The following RALGPS1 variants were observed in gnomAD, a reference collection of about 807,000 sequenced individuals.
RALGPS1 encodes ras-specific guanine nucleotide-releasing factor RalGPS1.
Under a neutral mutation model 78.8 loss-of-function variants are expected in RALGPS1, and 19 were observed. That is an observed-to-expected ratio of 0.24 (90% CI 0.17 to 0.35). The LOEUF is 0.35. Ranked by LOEUF, RALGPS1 falls within the 10% of genes least tolerant of loss-of-function variation. The pLI is 1.00. For missense variants in RALGPS1, 454 were observed against 688.3 expected (o/e 0.66, Z 3.81); for synonymous variants, 228 against 256.3 (o/e 0.89, Z 1.06).
At chr9:126,954,080 A>G (rs1716661327) in intron 1 of RALGPS1, among the ~76,000 whole-genome samples, 1 of 152,194 alleles carries the variant, frequency 6.6e-6, no homozygotes, top group Admixed American at 6.5e-5. Context: ...GACCCAGCTC[A>G]GTGGTTCTTC....
intron 8 of RALGPS1, among the ~76,000 whole-genome samples, chr9:127,109,698 G>C (rs1179804381): frequency 1.3e-5 from 2 of 152,240 alleles, no homozygotes; most frequent in Non-Finnish European, 2.9e-5. Flanking sequence ...CAGCATGCTA[G>C]TGGCTAGGGA....
intron 3 of RALGPS1, among the ~76,000 whole-genome samples, chr9:126,974,736 C>T (rs1208454654): frequency 6.6e-6 from 1 of 152,120 alleles, no homozygotes; most frequent in Non-Finnish European, 1.5e-5. Flanking sequence ...AGTGTTCTCG[C>T]TCAGCCCCAC....
chr9:127,155,842 C>T (rs1484828899), intron 8 of RALGPS1, among the ~76,000 whole-genome samples: 2 of 151,276 alleles, frequency 1.3e-5, no homozygotes, highest in African/African-American at 4.9e-5. Context: ...CTCTCCTTCT[C>T]CCTGCCAAAA....
chr9:127,039,497 G>A (rs1322454977), intron 5 of RALGPS1, among the ~76,000 whole-genome samples: 1 of 152,138 alleles, frequency 6.6e-6, no homozygotes, highest in Non-Finnish European at 1.5e-5. Flanking sequence ...CTGGAGAGTG[G>A]AGGAGTCAAA....
chr9:127,120,016 G>C (rs551653513), intron 8 of RALGPS1, among the ~76,000 whole-genome samples: 3 of 152,308 alleles, frequency 2.0e-5, no homozygotes, highest in Admixed American at 2.0e-4. Context: ...GAACCTCAGG[G>C]GGCCACAGCA....
At chr9:126,939,761 A>G (rs2036584843) in intron 1 of RALGPS1, among the ~76,000 whole-genome samples, 1 of 152,252 alleles carries the variant, frequency 6.6e-6, no homozygotes. Flanking sequence ...CTCGCTTTAC[A>G]GAGCTCTTAT....
At chr9:127,129,873 T>C (rs775704170) in intron 8 of RALGPS1, among the ~76,000 whole-genome samples, 1 of 152,228 alleles carries the variant, frequency 6.6e-6, no homozygotes, top group Non-Finnish European at 1.5e-5. Context: ...GGCAGGGATC[T>C]GTTTTTCCTG....
intron 4 of RALGPS1, 73 bp from the exon 5 acceptor site, chr9:127,034,358 T>C: frequency 7.6e-7 from 1 of 1,319,624 alleles, no homozygotes; most frequent in Non-Finnish European, 1.1e-6. Context: ...ATGCTCATGT[T>C]CCCATTTAAT....
rs529960253 is a variant in RALGPS1, at chr9:127,129,566, A to T, written c.611-36503A>T. ...AAGGAGGCAGCTGATTAGATAAACG[A>T]GGGCTTCTGGCAAAAGACTGATAGA... On this transcript the variant is annotated intron_variant, in intron 8 of 18. Coordinates refer to ENST00000259351, the MANE Select transcript of RALGPS1 (RefSeq NM_014636.3). 2.0e-5 allele frequency among the ~76,000 whole-genome samples: 3 copies of T among 152,278 alleles called. No individual in the cohort carries two copies. In the South Asian group the frequency reaches 6.2e-4, roughly 32 times the overall value.
rs977894248 is a variant in RALGPS1, at chr9:127,142,475, G to A, written c.611-23594G>A. On this transcript the variant is annotated intron_variant, in intron 8 of 18. Coordinates refer to ENST00000259351, the MANE Select transcript of RALGPS1 (RefSeq NM_014636.3). The stretch of plus-strand genomic sequence containing the variant: ...AGTTGGAGGGGTGGGCATGATGGGC[G>A]CATCTGGAGGGAAGCAGAAGTCAGG... Among the ~76,000 whole-genome samples the A allele has an allele frequency of 6.6e-5, 10 of 152,266 alleles. No homozygotes were observed. In the East Asian group the frequency reaches 1.4e-3, roughly 21 times the overall value.
At chr9:126,948,722 C>G (rs894144452) in intron 1 of RALGPS1, among the ~76,000 whole-genome samples, 1 of 151,990 alleles carries the variant, frequency 6.6e-6, no homozygotes, top group African/African-American at 2.4e-5. Flanking sequence ...TTTGTGCCGG[C>G]CCCCAATTCA....
chr9:127,214,645 G>T, intron 17 of RALGPS1, 106 bp from the exon 18 acceptor site: 1 of 1,491,016 alleles, frequency 6.7e-7, no homozygotes, highest in East Asian at 2.5e-5. Flanking sequence ...ACCTGGGGCC[G>T]ACCTTCCCAC....
At chr9:127,103,008 A>G (rs1469485123) in intron 8 of RALGPS1, among the ~76,000 whole-genome samples, 1 of 152,202 alleles carries the variant, frequency 6.6e-6, no homozygotes, top group African/African-American at 2.4e-5. Flanking sequence ...CGCCACCATC[A>G]CCACACACAC....
rs573851642 is a variant in RALGPS1, at chr9:127,074,896, C to G, written c.610+5540C>G. On this transcript the variant is annotated intron_variant, in intron 8 of 18. Coordinates refer to ENST00000259351, the MANE Select transcript of RALGPS1 (RefSeq NM_014636.3). ...CCCTTGTGGTTACCACCTGTGTCCT[C>G]TGGCTATTTATGACTTGTGGGTGGC... Among the ~76,000 whole-genome samples, 45 of 152,358 alleles carry G rather than the reference C, an allele frequency of 3.0e-4. No homozygotes were observed. The East Asian group carries it at 8.3e-3, about 28-fold the overall frequency.
intron 1 of RALGPS1, among the ~76,000 whole-genome samples, chr9:126,959,276 G>C (rs1445357037): frequency 1.3e-5 from 2 of 152,070 alleles, no homozygotes; most frequent in Non-Finnish European, 2.9e-5. Context: ...TGGCCAGGCT[G>C]GTCTCAAACT....
At chr9:127,095,748 G>T (rs1052938294) in intron 8 of RALGPS1, among the ~76,000 whole-genome samples, 3 of 152,214 alleles carry the variant, frequency 2.0e-5, no homozygotes, top group African/African-American at 7.2e-5. Context: ...TTCCTGGCTG[G>T]TGTTTGGGCT....
intron 4 of RALGPS1, among the ~76,000 whole-genome samples, chr9:126,979,820 G>A (rs541023132): frequency 3.3e-5 from 5 of 152,272 alleles, no homozygotes; most frequent in South Asian, 2.1e-4. Flanking sequence ...GTTCTTAATC[G>A]TGGCTGCACA....
chr9:127,079,216 TG>T (rs1250477606), intron 8 of RALGPS1, among the ~76,000 whole-genome samples: 4 of 152,156 alleles, frequency 2.6e-5, no homozygotes, highest in African/African-American at 9.7e-5. Context: ...GACTCATGGG[TG>T]GGGACAGAGT....
At chr9:126,923,093 G>T (rs2034927647) in intron 1 of RALGPS1, among the ~76,000 whole-genome samples, 1 of 152,152 alleles carries the variant, frequency 6.6e-6, no homozygotes, top group African/African-American at 2.4e-5. Flanking sequence ...ATGAACAAAT[G>T]GAGTAAATAG....
Sources: gnomAD v4.1 joint callset for allele counts (sites outside exome capture counted in the v4.1 genomes callset) on GRCh38, gnomAD v4.1.1 for gene constraint, MANE v1.5 for transcripts, NCBI Gene and HGNC (gene_info 2026-07-23, HGNC 2026-07-21) for gene names.